Variants in CRYBG2 observed in about 807,000 individuals in gnomAD.
CRYBG2 encodes crystallin beta-gamma domain containing 2, also known as beta/gamma crystallin domain-containing protein 2.
In CRYBG2, 106 loss-of-function variants were observed where a neutral mutation model predicts 153.4. The ratio of observed to expected loss-of-function variants is 0.69; its 90% CI spans 0.59 to 0.81. The LOEUF (loss-of-function observed/expected upper bound fraction) is 0.81, where lower values mean the gene tolerates loss of function less well. Among genes scored for constraint, CRYBG2 ranks in the 30% least tolerant of loss-of-function variants. CRYBG2 has a pLI of 0.00. For synonymous variants in CRYBG2, 851 were observed against 877.8 expected (o/e 0.97, Z 0.54); for missense variants, 1,996 against 2,112.0 (o/e 0.95, Z 1.08).
chr1:26,338,499 C>T lies in CRYBG2; in HGVS notation c.3345-22G>A, dbSNP rs368161210. On this transcript the variant is annotated intron_variant, in intron 6 of 19. Coordinates refer to ENST00000308182, the MANE Select transcript of CRYBG2 (RefSeq NM_001039775.4). ...CCACCTAGGGGAAACAGAGAGGCTG[C>T]TGCACCCTAGCAGAGAGACTTCAAG... The T allele has an allele frequency of 2.0e-4, 315 of 1,585,156 alleles. No individual in the cohort carries two copies. In the African/African-American group the frequency reaches 3.7e-3, roughly 19 times the overall value.
chr1:26,338,080 A>G lies in CRYBG2; in HGVS notation c.3472-33T>C, dbSNP rs774073025. The G allele has an allele frequency of 3.1e-6, 5 of 1,610,350 alleles. No individual in the cohort carries two copies. The South Asian group carries it at 5.5e-5, about 18-fold the overall frequency. On this transcript the variant is annotated intron_variant, in intron 7 of 19. Transcript: ENST00000308182. Reference sequence around the variant, plus strand: ...GGAGACAGAGCTGAGACACCAGCCCAGAGATGGGAAAGACAGATGGGGCTG... The same window carrying G: ...GGAGACAGAGCTGAGACACCAGCCCGGAGATGGGAAAGACAGATGGGGCTG...
chr1:26,323,066 C>T (rs2073878559), intron 18 of CRYBG2, among the ~76,000 whole-genome samples: 1 of 148,092 alleles, frequency 6.8e-6, no homozygotes, highest in Non-Finnish European at 1.5e-5. Flanking sequence ...CCCTACCATA[C>T]CTGATACTTT....
chr1:26,339,205 G>T (rs550052184), intron 6 of CRYBG2, 85 bp downstream of exon 6: 12 of 1,515,704 alleles, frequency 7.9e-6, no homozygotes, highest in Non-Finnish European at 9.7e-6. Context: ...CCTGAAGGCA[G>T]GAACTGTGTT....
At position 26,346,558 on chromosome 1, in the gene CRYBG2, G is replaced by C. The variant is rs1264329450; in HGVS notation, c.100C>G (p.His34Asp). The change falls in exon 2 of 20, where the codon CAT becomes GAT. Residue 34 changes from histidine to aspartate, a missense_variant. His to Asp is a moderately conservative substitution (Grantham distance 81). Coordinates refer to ENST00000308182, the MANE Select transcript of CRYBG2 (RefSeq NM_001039775.4). The surrounding 1 kb of genome is among the most constrained non-coding windows in gnomAD (Gnocchi z 4.9). ...ACCAGGGACACCTTGTGAAAACCAT[G>C]TTTGATCTCTTCCTGGGTGGGGGGC... ...QRPPTQEEIK[H>D]GFHKVSLVSG... 1.2e-6 allele frequency: 2 copies of C among 1,610,652 alleles called. No individual in the cohort carries two copies. Among genetic ancestry groups the C allele is most frequent in the Admixed American group, 3.4e-5 (2 of 59,514 alleles).
Position 26,324,310 on chromosome 1 carries a change from G to A in CRYBG2, c.4579C>T (p.Arg1527Cys), listed in dbSNP as rs199611603. 4.2e-5 allele frequency: 67 copies of A among 1,602,554 alleles called. No homozygotes were observed. Among genetic ancestry groups the A allele is most frequent in the Middle Eastern group, 1.6e-4 (1 of 6,066 alleles). ...RVGSLYPIKQRRVYFRLWNAA... is the reference protein window; with the variant it reads ...RVGSLYPIKQCRVYFRLWNAA... ...TTCCAGAGGCGGAAATAAACCCGGCGCTGGTGGCAGAAAGAGGCTGAGAGT... is the reference window on the plus strand; with the variant it reads ...TTCCAGAGGCGGAAATAAACCCGGCACTGGTGGCAGAAAGAGGCTGAGAGT... Residue 1527 changes from arginine to cysteine, a missense_variant and splice_region_variant, in exon 18 of 20, where the codon CGC (arginine) becomes TGC (cysteine). Arg to Cys is a radical substitution (Grantham distance 180, BLOSUM62 -3). Coordinates refer to ENST00000308182, the MANE Select transcript of CRYBG2 (RefSeq NM_001039775.4).
intron 1 of CRYBG2, among the ~76,000 whole-genome samples, chr1:26,350,650 T>G (rs75949453): frequency 0.016 from 2,440 of 152,208 alleles, 72 homozygotes; most frequent in African/African-American, 0.055. Context: ...TAACTGAGTC[T>G]CTGGTTTGGG....
In CRYBG2 at chr1:26,322,031, G is replaced by A; in HGVS notation, c.4923C>T (p.His1641=). 1.2e-6 allele frequency: 2 copies of A among 1,607,122 alleles called. No homozygotes were observed. Among genetic ancestry groups the A allele is most frequent in the Admixed American group, 3.3e-5 (2 of 59,822 alleles). The change falls in exon 20 of 20, where the codon CAC becomes CAT. Residue 1641 remains histidine, a synonymous_variant. Transcript: ENST00000308182. Reference sequence around the variant, plus strand: ...CCTCATCCGGCTCCCATAGCACCACGTGGTCCCGGTCGTAGCCCCGGCCTC... The same window carrying A: ...CCTCATCCGGCTCCCATAGCACCACATGGTCCCGGTCGTAGCCCCGGCCTC... ...VKGGRGYDRD[H]VVLWEPDEDR...
chr1:26,347,223 C>T lies in CRYBG2; in HGVS notation c.-55-511G>A, dbSNP rs2074233133. 2.6e-5 allele frequency among the ~76,000 whole-genome samples: 4 copies of T among 151,438 alleles called. No individual in the cohort carries two copies. In the South Asian group the frequency reaches 8.3e-4, roughly 32 times the overall value. On this transcript the variant is annotated intron_variant, in intron 1 of 19. Coordinates refer to ENST00000308182, the MANE Select transcript of CRYBG2 (RefSeq NM_001039775.4). ...TCTTCTGTTCAAGCATCAGGGTCCTCAGCCACAAAACTGGAGTCTTGCCAG... is the reference window on the plus strand; with the variant it reads ...TCTTCTGTTCAAGCATCAGGGTCCTTAGCCACAAAACTGGAGTCTTGCCAG...
rs773183789 is a variant in CRYBG2, at chr1:26,332,506, A to ATTG, written c.4185-891_4185-889dup. Among the ~76,000 whole-genome samples, 456 of 151,538 alleles carry ATTG rather than the reference A, an allele frequency of 3.0e-3. 2 individuals carry two copies. The highest frequency in any genetic ancestry group is 0.01 in the African/African-American group (434 of 41,358). ...AAAATTCACACTTTTTGTTGTTGTT[A>ATTG]TTGTTGTTGTTGTTGTTGAGATGGA... On this transcript the variant is annotated intron_variant, in intron 14 of 19. Transcript: ENST00000308182.
intron 17 of CRYBG2, among the ~76,000 whole-genome samples, chr1:26,326,500 T>C (rs2073928618): frequency 6.7e-6 from 1 of 149,094 alleles, no homozygotes; most frequent in Non-Finnish European, 1.5e-5. Context: ...ATCATGCCAC[T>C]GCACTCCTGC....
Position 26,337,521 on chromosome 1 carries a change from G to T in CRYBG2, c.3644+17C>A. ...GCCAGAGGTGATGAAATAGAAGGAA[G>T]GGTCCTGAGTTCTCACCAGCCTCCG... On this transcript the variant is annotated intron_variant, in intron 9 of 19. Transcript: ENST00000308182. The T allele has an allele frequency of 6.2e-7, 1 of 1,610,634 alleles. No individual in the cohort carries two copies.
intron 1 of CRYBG2, among the ~76,000 whole-genome samples, chr1:26,350,871 GC>G (rs1434992156): frequency 3.9e-5 from 6 of 152,008 alleles, no homozygotes; most frequent in Admixed American, 3.9e-4. Flanking sequence ...TGGACCCACT[GC>G]CCCCACTCCC....
At chr1:26,349,927 A>T (rs1570218463) in intron 1 of CRYBG2, among the ~76,000 whole-genome samples, 2 of 140,324 alleles carry the variant, frequency 1.4e-5, no homozygotes, top group Admixed American at 1.6e-4. Flanking sequence ...CAGTCCTCCC[A>T]CCTCAGCCCA....
At chr1:26,342,112 T>C (rs1274967379) in intron 5 of CRYBG2, among the ~76,000 whole-genome samples, 1 of 152,182 alleles carries the variant, frequency 6.6e-6, no homozygotes, top group African/African-American at 2.4e-5. Flanking sequence ...CAAACATGCC[T>C]GGCACCTCGG....
rs1466844829 is a variant in CRYBG2 at position 26,343,489 on chromosome 1, C to A, written c.2914-196G>T. 6.6e-6 allele frequency among the ~76,000 whole-genome samples: 1 copy of A among 152,178 alleles called. No homozygotes were observed. The highest frequency in any genetic ancestry group is 1.5e-5 in the Non-Finnish European group (1 of 68,036). ...TGTCCCAGGAGCTTGGTGCTCATCA[C>A]CCGCCTTCCTCAGCTCCCAGGATCT... is the stretch of plus-strand genomic sequence containing the variant. On this transcript the variant is annotated intron_variant, in intron 2 of 19. Transcript: ENST00000308182. This position sits in a 1 kb window ranked among gnomAD's most constrained non-coding sequence, Gnocchi z 4.1.
chr1:26,323,414 A>G (rs1490444820), intron 18 of CRYBG2, among the ~76,000 whole-genome samples: 1 of 151,916 alleles, frequency 6.6e-6, no homozygotes, highest in East Asian at 1.9e-4. Context: ...ATCTTCCTCT[A>G]TTGAACTTTC....
intron 8 of CRYBG2, 78 bp downstream of exon 8, chr1:26,337,934 C>G: frequency 6.5e-7 from 1 of 1,545,736 alleles, no homozygotes; most frequent in Non-Finnish European, 8.8e-7. Flanking sequence ...CTCTGGATTT[C>G]CTGTCCAGAC....
chr1:26,345,942 C>T lies in CRYBG2; in HGVS notation c.716G>A (p.Ser239Asn). Reference sequence around the variant, plus strand: ...GCTGTGCCCAGCAGGCACGAGGTTACTTAGCACTTTCACGGCCTGGCTGCG... The same window carrying T: ...GCTGTGCCCAGCAGGCACGAGGTTATTTAGCACTTTCACGGCCTGGCTGCG... The part of the protein sequence containing the change: ...PSRSQAVKVL[S>N]NLVPAGHSPP... Residue 239 changes from serine (S) to asparagine (N), a missense_variant, in exon 2 of 20, where the codon AGT becomes AAT. Transcript: ENST00000308182. The T allele has an allele frequency of 6.3e-7, 1 of 1,595,490 alleles. No individual in the cohort carries two copies. Among genetic ancestry groups the T allele is most frequent in the Non-Finnish European group, 8.5e-7 (1 of 1,177,946 alleles).
At position 26,345,911 on chromosome 1, in the gene CRYBG2, A is replaced by T. The variant is rs748928358; in HGVS notation, c.747T>A (p.Pro249=). ...CCGTGGGCCTGGGCAGGTGACTGGC[A>T]GGGGGGCTGTGCCCAGCAGGCACGA... ...SNLVPAGHSP[P]ASHLPRPTAG... is the part of the protein sequence containing the mutation. Residue 249 remains proline, a synonymous_variant, in exon 2 of 20, where the codon CCT becomes CCA. Transcript: ENST00000308182. The T allele has an allele frequency of 1.3e-6, 2 of 1,597,214 alleles. No individual in the cohort carries two copies. The highest frequency in any genetic ancestry group is 1.7e-6 in the Non-Finnish European group (2 of 1,179,196).
Sources: allele counts gnomAD v4.1 joint callset (sites outside exome capture counted in the v4.1 genomes callset), GRCh38; gene constraint gnomAD v4.1.1; non-coding constraint Gnocchi (gnomAD v3.1); transcripts MANE v1.5; gene names NCBI Gene and HGNC (gene_info 2026-07-23, HGNC 2026-07-21).